The following ANK3 variants were observed in gnomAD, a reference collection of about 807,000 sequenced individuals.
ANK3 encodes the protein ankyrin 3.
A neutral mutation model predicts 370.9 loss-of-function variants in ANK3; 57 were observed. That is an observed-to-expected ratio of 0.15 (90% confidence interval 0.12 to 0.19). The LOEUF is 0.19. Among genes scored for constraint, ANK3 ranks in the 10% least tolerant of loss-of-function variants. The pLI, the probability that ANK3 is intolerant of heterozygous loss-of-function variation, is 1.00. For missense variants in ANK3, 4,439 were observed against 5,302.1 expected, an observed-to-expected ratio of 0.84 and a Z score of 5.06; for synonymous variants, 1,929 against 1,946.3, an observed-to-expected ratio of 0.99 and a Z score of 0.23.
chr10:60,694,897 A>C (rs1264841318), intron 1 of ANK3, among the ~76,000 whole-genome samples: 1 of 148,770 alleles, frequency 6.7e-6, no homozygotes, highest in Non-Finnish European at 1.5e-5. Context: ...ACACATAACA[A>C]TATTAACTTT....
intron 8 of ANK3, among the ~76,000 whole-genome samples, chr10:60,224,053 T>C (rs1212849750): frequency 6.6e-6 from 1 of 152,070 alleles, no homozygotes; most frequent in African/African-American, 2.4e-5. Flanking sequence ...AAGCAGTTTT[T>C]CAACTGCATA....
At chr10:60,458,110 A>T (rs2064794851) in intron 2 of ANK3, among the ~76,000 whole-genome samples, 2 of 152,098 alleles carry the variant, frequency 1.3e-5, no homozygotes, top group Admixed American at 6.6e-5. Context: ...GGCTGTTATT[A>T]TTTCCCATAC....
intron 1 of ANK3, among the ~76,000 whole-genome samples, chr10:60,385,279 G>A (rs1566964959): frequency 6.6e-6 from 1 of 151,834 alleles, no homozygotes; most frequent in Non-Finnish European, 1.5e-5. Flanking sequence ...CTTTGGGCAT[G>A]AGACTCCTGT....
intron 2 of ANK3, among the ~76,000 whole-genome samples, chr10:60,514,256 TGTGCAGGGGGTCA>T (rs1350353955): frequency 6.6e-6 from 1 of 152,126 alleles, no homozygotes; most frequent in East Asian, 1.9e-4. Flanking sequence ...GAGTTTTTAC[TGTGCAGGGGGTCA>T]GTGCCCCGGC....
intron 1 of ANK3, among the ~76,000 whole-genome samples, chr10:60,629,097 C>T (rs1194816660): frequency 6.6e-6 from 1 of 151,498 alleles, no homozygotes; most frequent in Non-Finnish European, 1.5e-5. Flanking sequence ...AGTTCCATTT[C>T]AAAGACAAAA....
At chr10:60,316,947 C>T (rs1225865428) in intron 1 of ANK3, among the ~76,000 whole-genome samples, 3 of 152,004 alleles carry the variant, frequency 2.0e-5, no homozygotes, top group Non-Finnish European at 4.4e-5. Flanking sequence ...GGGGTTTCAC[C>T]GTGTTAGCCA....
At chr10:60,524,849 A>C (rs950863185) in intron 2 of ANK3, among the ~76,000 whole-genome samples, 2 of 152,108 alleles carry the variant, frequency 1.3e-5, no homozygotes, top group Non-Finnish European at 2.9e-5. Context: ...TCATGTGAAA[A>C]GCATGAGGAG....
At chr10:60,221,705 G>A (rs2097061582) in intron 8 of ANK3, among the ~76,000 whole-genome samples, 1 of 152,162 alleles carries the variant, frequency 6.6e-6, no homozygotes, top group Non-Finnish European at 1.5e-5. Context: ...AATTTAGAAC[G>A]AGGCTTGGAC....
At chr10:60,319,313 G>A (rs1479381879) in intron 1 of ANK3, among the ~76,000 whole-genome samples, 1 of 152,076 alleles carries the variant, frequency 6.6e-6, no homozygotes, top group East Asian at 1.9e-4. Flanking sequence ...TCTTTAATAG[G>A]CCAGGAAACC....
Position 60,029,182 on chromosome 10 carries a change from G to A in ANK3, c.*664C>T, listed in dbSNP as rs1326879312. ...AAACATTATAATTGCTAATATACAA[G>A]AATCAGTGAAGAGTCACCCCCACCC... is the stretch of plus-strand genomic sequence containing the variant. On this transcript the variant is annotated 3_prime_UTR_variant, in exon 44 of 44. Coordinates refer to ENST00000280772, the MANE Select transcript of ANK3 (RefSeq NM_020987.5). 3 of 152,036 alleles carry A rather than the reference G, an allele frequency of 2.0e-5. No homozygotes were observed. The highest frequency in any genetic ancestry group is 2.9e-5 in the Non-Finnish European group (2 of 67,980). 9.4% of individuals were successfully genotyped at this position (152,036 alleles called of 1,614,324 possible).
chr10:60,510,896 G>A (rs570348907), intron 2 of ANK3, among the ~76,000 whole-genome samples: 1 of 152,228 alleles, frequency 6.6e-6, no homozygotes. Context: ...GGTCTCCACT[G>A]GGATTCCAGC....
intron 1 of ANK3, among the ~76,000 whole-genome samples, chr10:60,343,460 T>C (rs1030765259): frequency 6.6e-6 from 1 of 152,046 alleles, no homozygotes; most frequent in African/African-American, 2.4e-5. Context: ...AACTAAGTGA[T>C]AAACAATTGG....
chr10:60,128,689 T>C (rs2093907371), intron 25 of ANK3, among the ~76,000 whole-genome samples: 1 of 152,112 alleles, frequency 6.6e-6, no homozygotes, highest in Non-Finnish European at 1.5e-5. Flanking sequence ...ACTCTTCATC[T>C]TTTTAATGGG....
intron 8 of ANK3, among the ~76,000 whole-genome samples, chr10:60,232,348 C>T (rs1295587740): frequency 7.1e-6 from 1 of 140,462 alleles, no homozygotes; most frequent in Non-Finnish European, 1.6e-5. Flanking sequence ...TGCAAAGATT[C>T]CTCCTCTTTA....
chr10:60,424,277 T>C (rs2063834845), intron 2 of ANK3, among the ~76,000 whole-genome samples: 1 of 152,082 alleles, frequency 6.6e-6, no homozygotes, highest in Non-Finnish European at 1.5e-5. Context: ...ATACCATCAC[T>C]CTCATTATAC....
chr10:60,252,833 C>T (rs2097688239), intron 7 of ANK3, among the ~76,000 whole-genome samples: 1 of 152,220 alleles, frequency 6.6e-6, no homozygotes, highest in Admixed American at 6.5e-5. Context: ...TGCCATCGAC[C>T]TGACCTGCGT....
intron 23 of ANK3, among the ~76,000 whole-genome samples, chr10:60,156,136 C>A (rs941380496): frequency 6.6e-6 from 1 of 152,170 alleles, no homozygotes; most frequent in Admixed American, 6.5e-5. Flanking sequence ...GCTGTGGTGG[C>A]CAAGGGTGTG....
chr10:60,610,673 T>C (rs2078188913), intron 2 of ANK3, among the ~76,000 whole-genome samples: 1 of 151,940 alleles, frequency 6.6e-6, no homozygotes. Context: ...AATAATATCC[T>C]CACCACAGAC....
chr10:60,054,546 A>G (rs536302105), intron 42 of ANK3, among the ~76,000 whole-genome samples: 4 of 152,310 alleles, frequency 2.6e-5, no homozygotes, highest in African/African-American at 9.6e-5. Context: ...ATCTAGAACT[A>G]AACTTCCTCT....
Sources: allele counts gnomAD v4.1 joint callset (sites outside exome capture counted in the v4.1 genomes callset), GRCh38; gene constraint gnomAD v4.1.1; transcripts MANE v1.5; gene names NCBI Gene and HGNC (gene_info 2026-07-23, HGNC 2026-07-21).